Variants in RASAL2 observed in about 807,000 individuals in gnomAD.
The protein encoded by RASAL2 is ras GTPase-activating protein nGAP.
In RASAL2, 58 loss-of-function variants were observed where a neutral mutation model predicts 128.9. The observed-to-expected ratio is 0.45, with a 90% CI of 0.36 to 0.56. RASAL2 has a LOEUF of 0.56. Among genes scored for constraint, RASAL2 ranks in the 20% least tolerant of loss-of-function variants. RASAL2 has a pLI of 0.00. For missense variants in RASAL2, 1,360 were observed against 1,601.6 expected, an observed-to-expected ratio of 0.85 and a Z score of 2.57; for synonymous variants, 561 against 580.8, an observed-to-expected ratio of 0.97 and a Z score of 0.49.
At chr1:178,312,576 C>T (rs936469666) in intron 3 of RASAL2, among the ~76,000 whole-genome samples, 1 of 152,088 alleles carries the variant, frequency 6.6e-6, no homozygotes, top group Non-Finnish European at 1.5e-5. Flanking sequence ...GACAGGAGAT[C>T]TAGCACAGGG....
intron 4 of RASAL2, among the ~76,000 whole-genome samples, chr1:178,401,219 T>G (rs1673606081): frequency 6.6e-6 from 1 of 152,252 alleles, no homozygotes. Flanking sequence ...GCAAAGACAT[T>G]GACCTCTTAT....
At chr1:178,222,741 T>C (rs1663656502) in intron 1 of RASAL2, among the ~76,000 whole-genome samples, 1 of 152,108 alleles carries the variant, frequency 6.6e-6, no homozygotes, top group Non-Finnish European at 1.5e-5. Context: ...TTTCCCTAAA[T>C]TGTGATGCTA....
At chr1:178,215,098 C>T (rs1005143848) in intron 1 of RASAL2, among the ~76,000 whole-genome samples, 1 of 152,194 alleles carries the variant, frequency 6.6e-6, no homozygotes, top group African/African-American at 2.4e-5. Context: ...CCATGTGTAA[C>T]AGTTAACTTG....
intron 1 of RASAL2, among the ~76,000 whole-genome samples, chr1:178,121,617 C>G (rs1659722005): frequency 6.6e-6 from 1 of 152,044 alleles, no homozygotes; most frequent in African/African-American, 2.4e-5. Context: ...TCCTGAGTAG[C>G]TGGGATTACA....
At chr1:178,212,303 A>G (rs1346079585) in intron 1 of RASAL2, among the ~76,000 whole-genome samples, 1 of 152,216 alleles carries the variant, frequency 6.6e-6, no homozygotes, top group Non-Finnish European at 1.5e-5. Context: ...ACAAAATGTA[A>G]TGAACTATAA....
chr1:178,401,981 ATTT>A (rs1166788501), intron 4 of RASAL2, among the ~76,000 whole-genome samples: 1 of 152,172 alleles, frequency 6.6e-6, no homozygotes, highest in Non-Finnish European at 1.5e-5. Context: ...AGAGAACTGT[ATTT>A]TTTACCGTTC....
At chr1:178,368,287 G>A (rs1444423360) in intron 3 of RASAL2, among the ~76,000 whole-genome samples, 3 of 152,166 alleles carry the variant, frequency 2.0e-5, no homozygotes, top group Non-Finnish European at 2.9e-5. Flanking sequence ...AAAATGAATA[G>A]AATACTTATC....
intron 1 of RASAL2, among the ~76,000 whole-genome samples, chr1:178,209,086 A>C (rs777367488): frequency 6.6e-5 from 10 of 151,170 alleles, no homozygotes; most frequent in Admixed American, 1.3e-4. Context: ...ATTGTCTTTC[A>C]TATTCTCATT....
intron 2 of RASAL2, among the ~76,000 whole-genome samples, chr1:178,286,455 A>T (rs540264922): frequency 1.3e-5 from 2 of 152,020 alleles, no homozygotes; most frequent in South Asian, 4.2e-4. Flanking sequence ...TTGTTTCTCA[A>T]GCTGGAGTGC....
intron 1 of RASAL2, among the ~76,000 whole-genome samples, chr1:178,208,406 T>G (rs537142890): frequency 2.0e-5 from 3 of 152,210 alleles, no homozygotes; most frequent in Non-Finnish European, 4.4e-5. Context: ...GTGTCTGTCT[T>G]ATGCAGTTGA....
chr1:178,243,947 C>G (rs1571692278), intron 1 of RASAL2, among the ~76,000 whole-genome samples: 1 of 152,190 alleles, frequency 6.6e-6, no homozygotes, highest in African/African-American at 2.4e-5. Context: ...CCTAGCTTGT[C>G]ATCATCCATG....
At chr1:178,121,281 C>T (rs1486238832) in intron 1 of RASAL2, among the ~76,000 whole-genome samples, 1 of 152,068 alleles carries the variant, frequency 6.6e-6, no homozygotes, top group Non-Finnish European at 1.5e-5. Context: ...ATTAGAAACT[C>T]GTATTTATGT....
intron 1 of RASAL2, among the ~76,000 whole-genome samples, chr1:178,251,780 G>A (rs931451545): frequency 6.6e-6 from 1 of 152,068 alleles, no homozygotes; most frequent in Non-Finnish European, 1.5e-5. Context: ...AGTCTAGTAG[G>A]GAAAGTAAAA....
intron 1 of RASAL2, among the ~76,000 whole-genome samples, chr1:178,103,138 A>C (rs538265287): frequency 6.6e-6 from 1 of 152,120 alleles, no homozygotes; most frequent in South Asian, 2.1e-4. Flanking sequence ...ATGATAACCC[A>C]TTAGAACTGA....
chr1:178,225,783 C>T (rs1450260150), intron 1 of RASAL2, among the ~76,000 whole-genome samples: 1 of 149,056 alleles, frequency 6.7e-6, no homozygotes, highest in East Asian at 1.9e-4. Context: ...ATATATATAT[C>T]CTGTATATAT....
chr1:178,267,209 T>C (rs1283336572), intron 1 of RASAL2, among the ~76,000 whole-genome samples: 7 of 152,230 alleles, frequency 4.6e-5, no homozygotes, highest in African/African-American at 9.6e-5. Context: ...GAAAGAACTT[T>C]AGACTCTTCT....
At chr1:178,299,812 GA>G (rs1667683019) in intron 2 of RASAL2, among the ~76,000 whole-genome samples, 179 bp from the exon 3 acceptor site, 1 of 152,006 alleles carries the variant, frequency 6.6e-6, no homozygotes, top group Non-Finnish European at 1.5e-5. Context: ...CTTTTTAAAG[GA>G]AAGCTTACTG....
chr1:178,162,337 ATAT>A (rs1235455905), intron 1 of RASAL2, among the ~76,000 whole-genome samples: 3 of 128,404 alleles, frequency 2.3e-5, no homozygotes, highest in African/African-American at 9.0e-5. Context: ...TTTATAATAT[ATAT>A]TATGTGTATA....
At chr1:178,219,632 GAAAAA>G (rs34519020) in intron 1 of RASAL2, among the ~76,000 whole-genome samples, 1 of 108,674 alleles carries the variant, frequency 9.2e-6, no homozygotes. Flanking sequence ...TCTGCCTCAG[GAAAAA>G]AAAAAAAAAA....
Sources: gnomAD v4.1 joint callset for allele counts (sites outside exome capture counted in the v4.1 genomes callset) on GRCh38, gnomAD v4.1.1 for gene constraint, MANE v1.5 for transcripts, NCBI Gene and HGNC (gene_info 2026-07-23, HGNC 2026-07-21) for gene names.